MDFIC2: variants seen among roughly 807,000 people sequenced by gnomAD.
MDFIC2 encodes the protein myoD family inhibitor domain-containing protein 2.
At chr3:70,273,933 G>A (rs1701997626) in intron 2 of MDFIC2, among the ~76,000 whole-genome samples, 1 of 152,026 alleles carries the variant, frequency 6.6e-6, no homozygotes, top group South Asian at 2.1e-4. Flanking sequence ...CCCCAGAGCA[G>A]CCACAGGCAC....
At chr3:70,247,568 T>A (rs2106647642) in intron 2 of MDFIC2, among the ~76,000 whole-genome samples, 1 of 152,004 alleles carries the variant, frequency 6.6e-6, no homozygotes, top group Admixed American at 6.6e-5. Context: ...CACATATCAA[T>A]GCCACAACTC....
chr3:70,198,847 C>G (rs1289546711), intron 3 of MDFIC2, among the ~76,000 whole-genome samples: 1 of 152,168 alleles, frequency 6.6e-6, no homozygotes, highest in East Asian at 1.9e-4. Context: ...TCTCCCATAT[C>G]TCATAAGTCA....
intron 2 of MDFIC2, among the ~76,000 whole-genome samples, chr3:70,215,842 T>C (rs1268541170): frequency 6.6e-6 from 1 of 152,116 alleles, no homozygotes; most frequent in Non-Finnish European, 1.5e-5. Flanking sequence ...CAGTTGACAA[T>C]GGACTCATCC....
At chr3:70,266,538 C>T (rs1039486057) in intron 2 of MDFIC2, among the ~76,000 whole-genome samples, 1 of 152,076 alleles carries the variant, frequency 6.6e-6, no homozygotes, top group African/African-American at 2.4e-5. Flanking sequence ...CAGAGTCCTG[C>T]CTCAGCCTCC....
chr3:70,289,013 A>T (rs989685773), intron 2 of MDFIC2, among the ~76,000 whole-genome samples: 2 of 152,084 alleles, frequency 1.3e-5, no homozygotes, highest in African/African-American at 4.8e-5. Flanking sequence ...ATCTTTATCC[A>T]GTTTGCCAGT....
chr3:70,241,060 T>C (rs1329053026), intron 2 of MDFIC2, among the ~76,000 whole-genome samples: 1 of 152,162 alleles, frequency 6.6e-6, no homozygotes, highest in East Asian at 1.9e-4. Flanking sequence ...ACAGTGTTTT[T>C]AGCCTGTGAT....
In MDFIC2 at chr3:70,243,887, A is replaced by G. The variant is rs187379436; in HGVS notation, c.89-37097T>C. 1.7e-3 allele frequency among the ~76,000 whole-genome samples: 264 copies of G among 152,260 alleles called. 2 individuals are homozygous for G. The highest frequency in any genetic ancestry group is 3.2e-3 in the Non-Finnish European group (220 of 68,022). On this transcript the variant is annotated intron_variant, in intron 2 of 3. Transcript: ENST00000567252. The stretch of plus-strand genomic sequence containing the variant: ...ATTGTATCACACATCCCTGGAGAAA[A>G]TACTGTAATAATTGTCTATAGTTTC...
At chr3:70,238,653 G>A (rs1701636359) in intron 2 of MDFIC2, among the ~76,000 whole-genome samples, 1 of 151,890 alleles carries the variant, frequency 6.6e-6, no homozygotes, top group Non-Finnish European at 1.5e-5. Flanking sequence ...ACCCCCAAAA[G>A]GGGGCCAAGA....
At chr3:70,223,651 C>A (rs1436677829) in intron 2 of MDFIC2, among the ~76,000 whole-genome samples, 1 of 152,098 alleles carries the variant, frequency 6.6e-6, no homozygotes, top group African/African-American at 2.4e-5. Flanking sequence ...GTCACAGGTT[C>A]ATTCCCAAGA....
chr3:70,295,819 A>C (rs1426949988), intron 2 of MDFIC2, among the ~76,000 whole-genome samples: 4 of 152,308 alleles, frequency 2.6e-5, no homozygotes, highest in Admixed American at 6.5e-5. Context: ...ATTTTGGTGT[A>C]ATTATAATAC....
At chr3:70,217,992 A>G (rs747646688) in intron 2 of MDFIC2, among the ~76,000 whole-genome samples, 10 of 152,174 alleles carry the variant, frequency 6.6e-5, no homozygotes, top group Admixed American at 2.0e-4. Context: ...TGGAAGGACA[A>G]GAAATCACAG....
chr3:70,267,184 A>G (rs1701923522), intron 2 of MDFIC2, among the ~76,000 whole-genome samples: 1 of 152,118 alleles, frequency 6.6e-6, no homozygotes. Flanking sequence ...GGGATTTTAT[A>G]CTTAATTCCC....
intron 2 of MDFIC2, among the ~76,000 whole-genome samples, chr3:70,215,154 C>T (rs1012713407): frequency 1.3e-5 from 2 of 152,190 alleles, no homozygotes; most frequent in South Asian, 2.1e-4. Flanking sequence ...TGCATTATCA[C>T]ATTTGAAGCT....
chr3:70,245,714 T>TATAC lies in MDFIC2; in HGVS notation c.89-38925_89-38924insGTAT, dbSNP rs1553648300. On this transcript the variant is annotated intron_variant, in intron 2 of 3. Transcript: ENST00000567252. ...ATATATATATATATATATATATATATACACATTCAAATGCAAAATAAAGCT... is the reference window on the plus strand; with the variant it reads ...ATATATATATATATATATATATATATATACACACATTCAAATGCAAAATAAAGCT... 3.1e-4 allele frequency among the ~76,000 whole-genome samples: 38 copies of TATAC among 123,934 alleles called. No individual in the cohort carries two copies. The East Asian group carries it at 4.9e-3, about 16-fold the overall frequency. 81.3% of individuals were successfully genotyped at this position (123,934 alleles called of 152,430 possible).
intron 2 of MDFIC2, among the ~76,000 whole-genome samples, chr3:70,211,166 T>A (rs1701340913): frequency 6.6e-6 from 1 of 151,908 alleles, no homozygotes; most frequent in Admixed American, 6.6e-5. Flanking sequence ...TCTTTTCCCA[T>A]TTTCCTTTCC....
chr3:70,296,693 A>G (rs1398929948), intron 2 of MDFIC2, among the ~76,000 whole-genome samples: 1 of 152,102 alleles, frequency 6.6e-6, no homozygotes, highest in Non-Finnish European at 1.5e-5. Flanking sequence ...CTAACTTTCA[A>G]CAAGTTCTTA....
intron 2 of MDFIC2, among the ~76,000 whole-genome samples, chr3:70,215,139 T>C (rs1038972243): frequency 6.6e-6 from 1 of 152,150 alleles, no homozygotes; most frequent in African/African-American, 2.4e-5. Context: ...TTAAAGTCTC[T>C]TATGTGCATT....
At chr3:70,239,422 T>C (rs1386730610) in intron 2 of MDFIC2, among the ~76,000 whole-genome samples, 1 of 152,138 alleles carries the variant, frequency 6.6e-6, no homozygotes, top group African/African-American at 2.4e-5. Flanking sequence ...AGGTTGGAGA[T>C]TGACTCTGTT....
intron 2 of MDFIC2, among the ~76,000 whole-genome samples, chr3:70,306,192 C>T (rs1480405183): frequency 1.3e-5 from 2 of 152,126 alleles, no homozygotes; most frequent in Non-Finnish European, 2.9e-5. Flanking sequence ...CAACCTCCGC[C>T]TCCTAGTTTC....
Sources: gnomAD v4.1 joint callset for allele counts (sites outside exome capture counted in the v4.1 genomes callset) on GRCh38, gnomAD v4.1.1 for gene constraint, MANE v1.5 for transcripts, NCBI Gene and HGNC (gene_info 2026-07-23, HGNC 2026-07-21) for gene names.